Variants in CUX1 observed in about 807,000 individuals in gnomAD.
The protein encoded by CUX1 is cut like homeobox 1, also known as protein CASP.
A neutral mutation model predicts 158.8 loss-of-function variants in CUX1; 31 were observed. The observed-to-expected ratio is 0.20, with a 90% CI of 0.15 to 0.26. The LOEUF (loss-of-function observed/expected upper bound fraction) is 0.26, where lower values mean the gene tolerates loss of function less well. CUX1 is among the 10% of genes least tolerant of loss of function. The pLI is 1.00. For missense variants in CUX1, 1,589 were observed against 2,014.6 expected (o/e 0.79, Z 4.04); for synonymous variants, 879 against 862.1 (o/e 1.02, Z -0.34).
At chr7:101,950,119 C>T (rs1018455328) in intron 2 of CUX1, among the ~76,000 whole-genome samples, 2 of 152,148 alleles carry the variant, frequency 1.3e-5, no homozygotes, top group Non-Finnish European at 2.9e-5. Context: ...TAAGCGTTCT[C>T]GTGCCTCAGC....
Position 102,254,445 on chromosome 7 carries a change from C to A in CUX1, c.*5403C>A. The stretch of plus-strand genomic sequence containing the variant: ...TAGATGGCTTCCTCCAGCCTACACG[C>A]CCCGTCCACAGTGGCATCACCCTCT... On this transcript the variant is annotated 3_prime_UTR_variant, in exon 24 of 24. Coordinates refer to ENST00000292535, the MANE Select transcript of CUX1 (RefSeq NM_181552.4). The A allele has an allele frequency of 2.0e-6, 2 of 985,502 alleles. No homozygotes were observed. The highest frequency in any genetic ancestry group is 9.4e-5 in the South Asian group (2 of 21,292). The allele number at this position is 985,502 out of a possible 1,614,324, so 61.0% of individuals were successfully genotyped here. A position where few individuals can be genotyped will look rare whatever the true frequency, so the allele number is the denominator to read the frequency against.
At chr7:101,840,148 C>T (rs1375431770) in intron 1 of CUX1, among the ~76,000 whole-genome samples, 1 of 152,200 alleles carries the variant, frequency 6.6e-6, no homozygotes, top group East Asian at 1.9e-4. Context: ...GATTTCGAAG[C>T]TGGGAAGCTT....
At position 102,003,233 on chromosome 7, in the gene CUX1, C is replaced by T. The variant is rs925488018; in HGVS notation, c.142-24865C>T. On this transcript the variant is annotated intron_variant, in intron 2 of 23. Coordinates refer to ENST00000292535, the MANE Select transcript of CUX1 (RefSeq NM_181552.4). ...TCTCTAGAGAGGCCCCTTGATCCCA[C>T]AAGGGGCGGGGGTCTCTGGCCAGGC... is the stretch of plus-strand genomic sequence containing the variant. 6.0e-5 allele frequency among the ~76,000 whole-genome samples: 9 copies of T among 151,158 alleles called. No individual in the cohort carries two copies. In the South Asian group the frequency reaches 1.3e-3, roughly 21 times the overall value.
chr7:102,122,534 T>C (rs1001487295), intron 8 of CUX1, among the ~76,000 whole-genome samples: 15 of 152,144 alleles, frequency 9.9e-5, no homozygotes, highest in African/African-American at 2.9e-4. Context: ...TCCTTGTCTT[T>C]TGTAGTAACA....
At chr7:101,876,116 T>C (rs1391971221) in intron 1 of CUX1, among the ~76,000 whole-genome samples, 1 of 149,970 alleles carries the variant, frequency 6.7e-6, no homozygotes, top group Non-Finnish European at 1.5e-5. Flanking sequence ...GAGGCCGAAG[T>C]GGGTGGATCA....
chr7:102,198,785 C>A lies in CUX1; in HGVS notation c.1895-17C>A. ...TCCCCTGATTGTTTTGTTCTTACCA[C>A]ACTTGTTTTTCAACAGAGAATCCAG... is the stretch of plus-strand genomic sequence containing the variant. On this transcript the variant is annotated splice_polypyrimidine_tract_variant and intron_variant, in intron 15 of 23. Coordinates refer to ENST00000292535, the MANE Select transcript of CUX1 (RefSeq NM_181552.4). The A allele has an allele frequency of 1.9e-6, 3 of 1,612,180 alleles. No homozygotes were observed. The highest frequency in any genetic ancestry group is 2.5e-6 in the Non-Finnish European group (3 of 1,178,200).
chr7:102,039,074 T>C (rs1821754074), intron 3 of CUX1, among the ~76,000 whole-genome samples: 2 of 152,164 alleles, frequency 1.3e-5, no homozygotes, highest in South Asian at 4.1e-4. Flanking sequence ...AAAACTTTGT[T>C]GTAACAAAAG....
rs1294130506 is a variant in CUX1 at position 101,923,726 on chromosome 7, CAT to C, written c.141+7502_141+7503del. On this transcript the variant is annotated intron_variant, in intron 2 of 23. Coordinates refer to ENST00000292535, the MANE Select transcript of CUX1 (RefSeq NM_181552.4). ...TCTACACCTGTCCTGCTCAGATGCACATGATGTCACACCCAGGTCTCCATCCT... is the reference window on the plus strand; with the variant it reads ...TCTACACCTGTCCTGCTCAGATGCACGATGTCACACCCAGGTCTCCATCCT... Among the ~76,000 whole-genome samples, 5 of 152,358 alleles carry C rather than the reference CAT, an allele frequency of 3.3e-5. No homozygotes were observed. The East Asian group carries it at 9.7e-4, about 29-fold the overall frequency.
chr7:102,059,170 C>T (rs1770268655), intron 3 of CUX1, among the ~76,000 whole-genome samples: 2 of 152,222 alleles, frequency 1.3e-5, no homozygotes. Context: ...GGCAGATGTA[C>T]TTGGAAGGGC....
At chr7:102,183,326 T>A (rs1793309228) in intron 11 of CUX1, among the ~76,000 whole-genome samples, 1 of 148,050 alleles carries the variant, frequency 6.8e-6, no homozygotes, top group African/African-American at 2.5e-5. Context: ...ATCTCTTAAT[T>A]TTTTTTTTTT....
chr7:101,919,002 CT>C (rs1804565711), intron 2 of CUX1, among the ~76,000 whole-genome samples: 1 of 152,250 alleles, frequency 6.6e-6, no homozygotes. Flanking sequence ...TGGTCTCGAA[CT>C]CCTGACCTCA....
chr7:101,925,915 G>A (rs1270142170), intron 2 of CUX1, among the ~76,000 whole-genome samples: 1 of 151,952 alleles, frequency 6.6e-6, no homozygotes, highest in Non-Finnish European at 1.5e-5. Context: ...CAATGTGGGT[G>A]ACAGAGTTAT....
At chr7:102,118,265 C>T (rs11973970) in intron 8 of CUX1, among the ~76,000 whole-genome samples, 12,768 of 152,242 alleles carry the variant, frequency 0.084, 717 homozygotes, top group African/African-American at 0.15. Context: ...GGGCCAGGCG[C>T]GGTGGCTCAC....
chr7:102,123,185 C>T (rs781496491), intron 8 of CUX1, among the ~76,000 whole-genome samples: 3 of 150,748 alleles, frequency 2.0e-5, no homozygotes, highest in South Asian at 2.1e-4. Flanking sequence ...GAGCTGAGAT[C>T]GCGCCACTAC....
chr7:102,257,041 G>A lies in CUX1; in HGVS notation c.*7999G>A. ...AGGTTGGGTGTGGAGATTGCTTGCT[G>A]TGGCCCCAAGCTCAGCCAGCAGGAC... On this transcript the variant is annotated 3_prime_UTR_variant, in exon 24 of 24. Coordinates refer to ENST00000292535, the MANE Select transcript of CUX1 (RefSeq NM_181552.4). 1.0e-6 allele frequency: 1 copy of A among 985,034 alleles called. No homozygotes were observed. Among genetic ancestry groups the A allele is most frequent in the Non-Finnish European group, 1.2e-6 (1 of 829,932 alleles). 61.0% of individuals were successfully genotyped at this position (985,034 alleles called of 1,614,324 possible).
At chr7:102,277,594 C>G (rs1586530612) in intron 17 of CUX1, among the ~76,000 whole-genome samples, 1 of 151,240 alleles carries the variant, frequency 6.6e-6, no homozygotes, top group South Asian at 2.1e-4. Flanking sequence ...GAGCGAAACT[C>G]CATATCAAAA....
rs1161165846 is a variant in CUX1 at position 102,257,072 on chromosome 7, G to C, written c.*8030G>C. 1.0e-6 allele frequency: 1 copy of C among 985,322 alleles called. No homozygotes were observed. Among genetic ancestry groups the C allele is most frequent in the Non-Finnish European group, 1.2e-6 (1 of 829,988 alleles). 61.0% of individuals were successfully genotyped at this position (985,322 alleles called of 1,614,324 possible). A position where few individuals can be genotyped will look rare whatever the true frequency, so the allele number is the denominator to read the frequency against. ...CCAAGCTCAGCCAGCAGGACACCCA[G>C]TTGTTGCCAATCAGGTGTGAAGGTG... On this transcript the variant is annotated 3_prime_UTR_variant, in exon 24 of 24. Transcript: ENST00000292535.
chr7:102,098,943 G>A (rs1829496128), intron 5 of CUX1, among the ~76,000 whole-genome samples: 1 of 150,286 alleles, frequency 6.7e-6, no homozygotes, highest in Admixed American at 6.7e-5. Context: ...ACAGGCGTGA[G>A]CCACCGCACC....
intron 4 of CUX1, among the ~76,000 whole-genome samples, chr7:102,092,088 C>T (rs1465384412): frequency 2.6e-5 from 4 of 152,218 alleles, no homozygotes; most frequent in African/African-American, 9.6e-5. Context: ...AGAATTGCAT[C>T]CAAAATCTGA....
Sources: allele counts gnomAD v4.1 joint callset (sites outside exome capture counted in the v4.1 genomes callset), GRCh38; gene constraint gnomAD v4.1.1; transcripts MANE v1.5; gene names NCBI Gene and HGNC (gene_info 2026-07-23, HGNC 2026-07-21).